Variants in TRPC6 observed in about 807,000 individuals in gnomAD.
The protein encoded by TRPC6 is short transient receptor potential channel 6.
A neutral mutation model predicts 90.7 loss-of-function variants in TRPC6; 55 were observed. That is an observed-to-expected ratio of 0.61 (90% CI 0.49 to 0.76). The LOEUF is 0.76. Among genes scored for constraint, TRPC6 ranks in the 30% least tolerant of loss-of-function variants. TRPC6 has a pLI of 0.00. For missense variants in TRPC6, 989 were observed against 1,122.7 expected (o/e 0.88, Z 1.70); for synonymous variants, 393 against 393.0 (o/e 1.00, Z 0.00).
intron 1 of TRPC6, among the ~76,000 whole-genome samples, chr11:101,507,240 A>G (rs2136749630): frequency 6.6e-6 from 1 of 152,182 alleles, no homozygotes; most frequent in African/African-American, 2.4e-5. Flanking sequence ...TCATTTTCTC[A>G]GTGCTCTATA....
chr11:101,534,796 G>T (rs1860997236), intron 1 of TRPC6, among the ~76,000 whole-genome samples: 1 of 152,072 alleles, frequency 6.6e-6, no homozygotes, highest in Non-Finnish European at 1.5e-5. Flanking sequence ...TTTTTAAAAG[G>T]TTTATTAGGA....
intron 1 of TRPC6, among the ~76,000 whole-genome samples, chr11:101,535,171 AAAGAAAGGAAGG>A (rs1342630523): frequency 0.015 from 1,890 of 127,200 alleles, 30 homozygotes; most frequent in Non-Finnish European, 0.023. Flanking sequence ...GTCAGAAAGA[AAAGAAAGGAAGG>A]AAGGAAGGAA....
intron 1 of TRPC6, among the ~76,000 whole-genome samples, chr11:101,552,533 A>G (rs1220754179): frequency 1.3e-5 from 2 of 152,116 alleles, no homozygotes; most frequent in African/African-American, 4.8e-5. Flanking sequence ...GTGAGTCAGA[A>G]AGTTCAAGTT....
intron 1 of TRPC6, among the ~76,000 whole-genome samples, chr11:101,512,542 T>C (rs1860417376): frequency 6.6e-6 from 1 of 152,142 alleles, no homozygotes; most frequent in African/African-American, 2.4e-5. Flanking sequence ...TTCTCCTTGG[T>C]GGTTTAATTT....
chr11:101,473,034 A>G (rs576067427), intron 7 of TRPC6, among the ~76,000 whole-genome samples: 140 of 152,206 alleles, frequency 9.2e-4, no homozygotes, highest in Non-Finnish European at 1.8e-3. Context: ...GATAAGTCAT[A>G]TCTACTCAGT....
At position 101,504,421 on chromosome 11, in the gene TRPC6, T is replaced by C. The variant is rs748923301; in HGVS notation, c.548A>G (p.His183Arg). Residue 183 changes from histidine (H) to arginine (R), a missense_variant, in exon 2 of 13, where the codon CAT becomes CGT. Around this residue, in one of 4 missense-constraint regions of TRPC6, gnomAD observed 486 missense variants for 591.9 expected, o/e 0.82. Transcript: ENST00000344327. Reference sequence around the variant, plus strand: ...CCTCTTGCCTTCAGCAAAAGCCGGATGACTGAGAATTGCTTCCACAATCCG... The same window carrying C: ...CCTCTTGCCTTCAGCAAAAGCCGGACGACTGAGAATTGCTTCCACAATCCG... ...YVRIVEAILS[H>R]PAFAEGKRLA... 8.7e-6 allele frequency: 14 copies of C among 1,614,138 alleles called. No homozygotes were observed. The highest frequency in any genetic ancestry group is 1.1e-5 in the Non-Finnish European group (13 of 1,180,008).
intron 1 of TRPC6, among the ~76,000 whole-genome samples, chr11:101,506,513 C>T (rs1860271243): frequency 6.6e-6 from 1 of 152,082 alleles, no homozygotes; most frequent in South Asian, 2.1e-4. Flanking sequence ...AAGAGTATAC[C>T]ACCATATTGA....
At chr11:101,577,991 G>C (rs1862108547) in intron 1 of TRPC6, among the ~76,000 whole-genome samples, 1 of 130,188 alleles carries the variant, frequency 7.7e-6, no homozygotes, top group South Asian at 2.4e-4. Context: ...AGCTGATCCA[G>C]ATGCTATTTC....
At chr11:101,556,568 TAA>T (rs1424031437) in intron 1 of TRPC6, among the ~76,000 whole-genome samples, 1 of 152,146 alleles carries the variant, frequency 6.6e-6, no homozygotes, top group Non-Finnish European at 1.5e-5. Context: ...AACCAATAAT[TAA>T]AAGTCTTTCA....
intron 11 of TRPC6, among the ~76,000 whole-genome samples, chr11:101,454,721 G>T (rs1001861773): frequency 6.6e-6 from 1 of 151,956 alleles, no homozygotes; most frequent in South Asian, 2.1e-4. Flanking sequence ...CTCACTGGTG[G>T]AATCTGACAT....
chr11:101,570,511 T>A (rs1333166664), intron 1 of TRPC6, among the ~76,000 whole-genome samples: 1 of 152,184 alleles, frequency 6.6e-6, no homozygotes, highest in Non-Finnish European at 1.5e-5. Flanking sequence ...GAATCCTCCA[T>A]AACTCATTTC....
Position 101,481,444 on chromosome 11 carries a change from C to T in TRPC6, c.1510+1505G>A, listed in dbSNP as rs796389460. Among the ~76,000 whole-genome samples the T allele has an allele frequency of 7.2e-5, 11 of 152,210 alleles. No homozygotes were observed. In the South Asian group the frequency reaches 8.3e-4, roughly 12 times the overall value. On this transcript the variant is annotated intron_variant, in intron 5 of 12. Coordinates refer to ENST00000344327, the MANE Select transcript of TRPC6 (RefSeq NM_004621.6). ...TCCCAGGGATCATACTTTCTATTAC[C>T]GAATGGACATTTCCACCTTGAAATT...
At chr11:101,491,826 G>T in intron 2 of TRPC6, 88 bp from the exon 3 acceptor site, 89 of 701,902 alleles carry the variant, frequency 1.3e-4, no homozygotes, top group Non-Finnish European at 1.6e-4. Flanking sequence ...TATACTTTAA[G>T]AGAAACATTC....
chr11:101,452,253 G>GTACTT lies in TRPC6; in HGVS notation c.*697_*701dup, dbSNP rs542837161. 1.3e-4 allele frequency: 20 copies of GTACTT among 152,148 alleles called. 1 individual carries two copies. In the East Asian group the frequency reaches 1.9e-3, roughly 15 times the overall value. The allele number at this position is 152,148 out of a possible 1,614,324, so 9.4% of individuals were successfully genotyped here. The stretch of plus-strand genomic sequence containing the variant: ...CCACATTAGCCACAAACTAGGGCAA[G>GTACTT]TACTTTATGTCTGTGTGTACACATT... On this transcript the variant is annotated 3_prime_UTR_variant, in exon 13 of 13. Transcript: ENST00000344327.
At chr11:101,486,317 A>C (rs1441918811) in intron 4 of TRPC6, among the ~76,000 whole-genome samples, 1 of 152,090 alleles carries the variant, frequency 6.6e-6, no homozygotes, top group African/African-American at 2.4e-5. Context: ...ATATAGACAA[A>C]TTTCCAAAAA....
intron 3 of TRPC6, among the ~76,000 whole-genome samples, chr11:101,490,327 T>A (rs1859775983): frequency 6.6e-6 from 1 of 152,230 alleles, no homozygotes; most frequent in African/African-American, 2.4e-5. Context: ...AATATAACAA[T>A]GGTTCATTAT....
chr11:101,492,612 A>G (rs1859856457), intron 2 of TRPC6, among the ~76,000 whole-genome samples: 1 of 152,118 alleles, frequency 6.6e-6, no homozygotes, highest in Non-Finnish European at 1.5e-5. Context: ...TACCAAACTC[A>G]CCTGTTGATT....
At chr11:101,510,146 G>T (rs1860365266) in intron 1 of TRPC6, among the ~76,000 whole-genome samples, 1 of 152,028 alleles carries the variant, frequency 6.6e-6, no homozygotes, top group Non-Finnish European at 1.5e-5. Flanking sequence ...AGCAATAAAA[G>T]ATTCTACTTG....
chr11:101,488,030 C>G (rs1859716781), intron 4 of TRPC6, among the ~76,000 whole-genome samples: 1 of 152,104 alleles, frequency 6.6e-6, no homozygotes, highest in Non-Finnish European at 1.5e-5. Flanking sequence ...ATGAATCATG[C>G]CCATGTTTAA....
Sources: allele counts gnomAD v4.1 joint callset (sites outside exome capture counted in the v4.1 genomes callset), GRCh38; gene constraint gnomAD v4.1.1; regional missense constraint gnomAD v4.1.1; transcripts MANE v1.5; gene names NCBI Gene and HGNC (gene_info 2026-07-23, HGNC 2026-07-21).